The following WWOX variants were observed in gnomAD, a reference collection of about 807,000 sequenced individuals.
WWOX encodes the protein WW domain containing oxidoreductase, also known as WW domain-containing oxidoreductase.
In WWOX, 69 loss-of-function variants were observed where a neutral mutation model predicts 46.2. The ratio of observed to expected loss-of-function variants is 1.49; its 90% CI spans 1.23 to 1.82. The LOEUF is 1.82. WWOX is among the 40% of genes most tolerant of loss of function. WWOX has a pLI of 0.00. For synonymous variants in WWOX, 359 were observed against 202.6 expected, an observed-to-expected ratio of 1.77 and a Z score of -6.56; for missense variants, 919 against 542.6, an observed-to-expected ratio of 1.69 and a Z score of -6.89.
At position 78,780,686 on chromosome 16, in the gene WWOX, C is replaced by T. The variant is rs150293991; in HGVS notation, c.1056+347934C>T. Among the ~76,000 whole-genome samples, 407 of 152,234 alleles carry T rather than the reference C, an allele frequency of 2.7e-3. 2 individuals carry two copies. The highest frequency in any genetic ancestry group is 9.4e-3 in the African/African-American group (389 of 41,544). On this transcript the variant is annotated intron_variant, in intron 8 of 8. Coordinates refer to ENST00000566780, the MANE Select transcript of WWOX (RefSeq NM_016373.4). ...AGTGCAAGCGCTGCATGGGGGAGAA[C>T]AGTCTAGGCAAGGTGAACGGAAGTG... is the stretch of plus-strand genomic sequence containing the variant.
intron 8 of WWOX, among the ~76,000 whole-genome samples, chr16:79,003,997 A>T (rs2047144327): frequency 3.3e-5 from 5 of 152,140 alleles, no homozygotes; most frequent in Admixed American, 3.3e-4. Flanking sequence ...TGCAATGCTG[A>T]GTACTTCTCA....
chr16:78,976,253 C>G (rs1191931260), intron 8 of WWOX, among the ~76,000 whole-genome samples: 1 of 152,218 alleles, frequency 6.6e-6, no homozygotes, highest in Non-Finnish European at 1.5e-5. Flanking sequence ...ACACTTTAAT[C>G]TTACCAGCAT....
intron 8 of WWOX, among the ~76,000 whole-genome samples, chr16:78,813,818 C>T (rs536817634): frequency 2.6e-5 from 4 of 152,160 alleles, no homozygotes; most frequent in Admixed American, 2.6e-4. Flanking sequence ...TTTTTTCTCC[C>T]TTCCTTCGTC....
intron 8 of WWOX, among the ~76,000 whole-genome samples, chr16:79,042,461 C>G (rs535245524): frequency 6.6e-6 from 1 of 152,188 alleles, no homozygotes; most frequent in Admixed American, 6.5e-5. Flanking sequence ...TTATCTTCCT[C>G]TGCCCAGTGT....
chr16:78,261,781 T>G (rs1312371696), intron 5 of WWOX, among the ~76,000 whole-genome samples: 21 of 42,220 alleles, frequency 5.0e-4, no homozygotes, highest in African/African-American at 2.1e-3. Context: ...TGTATCTATC[T>G]ATCTATCTAT....
intron 8 of WWOX, among the ~76,000 whole-genome samples, chr16:78,594,349 C>T (rs7203604): frequency 0.15 from 22,842 of 148,404 alleles, 3,073 homozygotes; most frequent in African/African-American, 0.37. Context: ...ACCCAATCCG[C>T]TCATATTCTT....
rs188793775 is a variant in WWOX, at chr16:78,440,153, C to T, written c.1056+7401C>T. ...GTGTTGACACAGGCACTGTTGAATA[C>T]GTATGTACATATTTTAATAGTTTTC... On this transcript the variant is annotated intron_variant, in intron 8 of 8. Transcript: ENST00000566780. Among the ~76,000 whole-genome samples the T allele has an allele frequency of 3.9e-5, 6 of 152,126 alleles. No individual in the cohort carries two copies. In the East Asian group the frequency reaches 1.2e-3, roughly 29 times the overall value.
rs757271848 is a variant in WWOX at position 78,515,593 on chromosome 16, A to G, written c.1056+82841A>G. On this transcript the variant is annotated intron_variant, in intron 8 of 8. Transcript: ENST00000566780. The stretch of plus-strand genomic sequence containing the variant: ...GGAACCATCCGGGCATCACATAGCT[A>G]TCTCTGTGCAGAGCCAGGCCGGATG... Among the ~76,000 whole-genome samples, 68 of 152,312 alleles carry G rather than the reference A, an allele frequency of 4.5e-4. No homozygotes were observed. In the Middle Eastern group the frequency reaches 0.027, roughly 61 times the overall value.
At chr16:79,073,156 A>G (rs1003391788) in intron 8 of WWOX, among the ~76,000 whole-genome samples, 5 of 44,486 alleles carry the variant, frequency 1.1e-4, no homozygotes, top group African/African-American at 3.5e-4. Context: ...ATTCGTTATT[A>G]TTATTATTAT....
At chr16:79,050,430 C>G (rs1429471915) in intron 8 of WWOX, among the ~76,000 whole-genome samples, 2 of 152,172 alleles carry the variant, frequency 1.3e-5, no homozygotes, top group South Asian at 2.1e-4. Flanking sequence ...AAGACAGCAA[C>G]TCAAAACACA....
intron 6 of WWOX, among the ~76,000 whole-genome samples, chr16:78,400,985 G>C (rs546871542): frequency 1.5e-4 from 23 of 152,194 alleles, no homozygotes; most frequent in Non-Finnish European, 3.1e-4. Flanking sequence ...ATCATGCCTG[G>C]CTAATTTTTA....
At chr16:78,809,150 C>G (rs777176363) in intron 8 of WWOX, among the ~76,000 whole-genome samples, 13 of 151,924 alleles carry the variant, frequency 8.6e-5, no homozygotes, top group Admixed American at 1.3e-4. Context: ...TTCTCAGATG[C>G]AATCTCAAGT....
chr16:78,630,706 T>C (rs771727417), intron 8 of WWOX, among the ~76,000 whole-genome samples: 1 of 152,208 alleles, frequency 6.6e-6, no homozygotes, highest in African/African-American at 2.4e-5. Context: ...ATCTCAGCCA[T>C]GAGTGTGACC....
intron 8 of WWOX, among the ~76,000 whole-genome samples, chr16:78,572,172 AAAG>A (rs1434343584): frequency 6.6e-6 from 1 of 152,210 alleles, no homozygotes; most frequent in African/African-American, 2.4e-5. Context: ...AAGTCCTCCA[AAAG>A]CCGTCTACAA....
chr16:78,726,580 A>G (rs1000100036), intron 8 of WWOX, among the ~76,000 whole-genome samples: 1 of 152,172 alleles, frequency 6.6e-6, no homozygotes, highest in South Asian at 2.1e-4. Flanking sequence ...CCCATGGGAT[A>G]GTAGGTAAAT....
At chr16:78,219,878 A>G (rs1199595437) in intron 5 of WWOX, among the ~76,000 whole-genome samples, 1 of 152,080 alleles carries the variant, frequency 6.6e-6, no homozygotes, top group Non-Finnish European at 1.5e-5. Context: ...CGGTTTGCAT[A>G]TATCTGCGAT....
intron 8 of WWOX, among the ~76,000 whole-genome samples, chr16:78,735,352 G>T (rs2049062759): frequency 6.6e-6 from 1 of 150,392 alleles, no homozygotes; most frequent in East Asian, 2.0e-4. Flanking sequence ...AGGTTCTCCA[G>T]AGAATCAGAA....
intron 8 of WWOX, among the ~76,000 whole-genome samples, chr16:78,553,803 A>C (rs1179178207): frequency 6.6e-6 from 1 of 151,516 alleles, no homozygotes; most frequent in African/African-American, 2.4e-5. Flanking sequence ...GGTCCTGCAG[A>C]CCCCCCTGGT....
At chr16:78,961,922 T>C (rs1372096147) in intron 8 of WWOX, among the ~76,000 whole-genome samples, 2 of 152,176 alleles carry the variant, frequency 1.3e-5, no homozygotes, top group African/African-American at 4.8e-5. Flanking sequence ...CAGATTTACA[T>C]CAAGCACAAT....
Sources: allele counts gnomAD v4.1 joint callset (sites outside exome capture counted in the v4.1 genomes callset), GRCh38; gene constraint gnomAD v4.1.1; transcripts MANE v1.5; gene names NCBI Gene and HGNC (gene_info 2026-07-23, HGNC 2026-07-21).